OSBP2: variants seen among roughly 807,000 people sequenced by gnomAD.
OSBP2 encodes oxysterol-binding protein 2.
Under a neutral mutation model 96.0 loss-of-function variants are expected in OSBP2, and 66 were observed. The observed-to-expected ratio is 0.69, with a 90% CI of 0.56 to 0.84. OSBP2 has a LOEUF of 0.84. OSBP2 is among the 40% of genes least tolerant of loss of function. The probability of loss-of-function intolerance (pLI) is 0.00; values close to 1 mark genes in which losing one functional copy is unlikely to be tolerated. For synonymous variants in OSBP2, 525 were observed against 520.9 expected, an observed-to-expected ratio of 1.01 and a Z score of -0.11; for missense variants, 1,038 against 1,222.7, an observed-to-expected ratio of 0.85 and a Z score of 2.25.
Position 30,845,649 on chromosome 22 carries a change from C to T in OSBP2, c.854-24780C>T, listed in dbSNP as rs548777453. ...CTGTAATCCCAACACTTTGGGAGGC[C>T]GAGGTGAGCAGATCATGAGGTCAGG... On this transcript the variant is annotated intron_variant, in intron 2 of 13. Transcript: ENST00000332585. 5.9e-5 allele frequency among the ~76,000 whole-genome samples: 9 copies of T among 151,288 alleles called. No homozygotes were observed. The South Asian group carries it at 1.0e-3, about 18-fold the overall frequency.
intron 2 of OSBP2, among the ~76,000 whole-genome samples, chr22:30,783,302 CTTTTTTTTTTTTTTTTTT>C (rs35470453): frequency 2.9e-5 from 1 of 34,708 alleles, no homozygotes; most frequent in Non-Finnish European, 5.1e-5. Context: ...ATTCAGAGAG[CTTTTTTTTTTTTTTTTTT>C]TTTTTTTTTT....
chr22:30,839,117 C>T (rs1290846104), intron 2 of OSBP2, among the ~76,000 whole-genome samples: 140 of 143,924 alleles, frequency 9.7e-4, no homozygotes, highest in African/African-American at 3.4e-3. Context: ...TTTGTCCTTG[C>T]GATAGTTTAC....
chr22:30,740,249 T>C lies in OSBP2; in HGVS notation c.645-912T>C, dbSNP rs142287157. Reference sequence around the variant, plus strand: ...GAGATCACAGGATGTTGAAGCTGTCTTCTTGTGCTGAGTCAGTTCCTAGGT... The same window carrying C: ...GAGATCACAGGATGTTGAAGCTGTCCTCTTGTGCTGAGTCAGTTCCTAGGT... On this transcript the variant is annotated intron_variant, in intron 1 of 13. Coordinates refer to ENST00000332585, the MANE Select transcript of OSBP2 (RefSeq NM_030758.4). Among the ~76,000 whole-genome samples, 588 of 152,292 alleles carry C rather than the reference T, an allele frequency of 3.9e-3. 4 individuals carry two copies. Among genetic ancestry groups the C allele is most frequent in the African/African-American group, 0.014 (576 of 41,550 alleles).
intron 2 of OSBP2, among the ~76,000 whole-genome samples, chr22:30,814,794 A>G (rs1301152287): frequency 6.6e-6 from 1 of 152,174 alleles, no homozygotes; most frequent in Non-Finnish European, 1.5e-5. Context: ...ACTTCAACAT[A>G]TGGATTTTGG....
At chr22:30,745,735 G>C (rs1183230737) in intron 2 of OSBP2, among the ~76,000 whole-genome samples, 1 of 149,972 alleles carries the variant, frequency 6.7e-6, no homozygotes, top group African/African-American at 2.5e-5. Context: ...AACCAATAGA[G>C]AGAATGAATG....
chr22:30,726,313 A>AT (rs1394839729), intron 1 of OSBP2, among the ~76,000 whole-genome samples: 2 of 152,240 alleles, frequency 1.3e-5, no homozygotes, highest in East Asian at 3.8e-4. Context: ...ATAGAAAAGA[A>AT]TGAGTTCATG....
chr22:30,856,904 C>CA, intron 2 of OSBP2, among the ~76,000 whole-genome samples: 1 of 152,228 alleles, frequency 6.6e-6, no homozygotes, highest in East Asian at 1.9e-4. Context: ...GTGGCCCAAG[C>CA]AAGGGGCTGT....
At chr22:30,882,253 C>T (rs2039718553) in intron 3 of OSBP2, among the ~76,000 whole-genome samples, 1 of 152,182 alleles carries the variant, frequency 6.6e-6, no homozygotes, top group Non-Finnish European at 1.5e-5. Flanking sequence ...TAGTGAATAT[C>T]TCCCAGGAAC....
intron 2 of OSBP2, among the ~76,000 whole-genome samples, chr22:30,824,363 A>G (rs914769922): frequency 1.3e-5 from 2 of 152,176 alleles, no homozygotes; most frequent in Admixed American, 1.3e-4. Context: ...GCAGCAGTCA[A>G]GAGCAGCCAG....
At chr22:30,703,135 T>C (rs1164390405) in intron 1 of OSBP2, among the ~76,000 whole-genome samples, 1 of 152,020 alleles carries the variant, frequency 6.6e-6, no homozygotes, top group Admixed American at 6.6e-5. Flanking sequence ...GCTTTGAATG[T>C]GTTGCAATAG....
intron 2 of OSBP2, among the ~76,000 whole-genome samples, chr22:30,868,794 C>G (rs1373717910): frequency 1.3e-5 from 2 of 152,328 alleles, no homozygotes; most frequent in African/African-American, 4.8e-5. Context: ...CTGGCCTGAC[C>G]CTGCCATGGA....
Position 30,906,580 on chromosome 22 carries a change from C to G in OSBP2, c.*241C>G. 4.9e-6 allele frequency: 2 copies of G among 412,182 alleles called. No individual in the cohort carries two copies. The highest frequency in any genetic ancestry group is 4.2e-5 in the Admixed American group (1 of 23,798). 25.5% of individuals were successfully genotyped at this position (412,182 alleles called of 1,614,324 possible). ...GTCACCCGTGCCCCTTCATTATGGA[C>G]CTGGGCCCTACCGGAACCCCTGCCC... On this transcript the variant is annotated 3_prime_UTR_variant, in exon 14 of 14. Transcript: ENST00000332585.
chr22:30,880,196 C>T (rs1402068247), intron 3 of OSBP2, among the ~76,000 whole-genome samples: 2 of 152,226 alleles, frequency 1.3e-5, no homozygotes, highest in African/African-American at 4.8e-5. Flanking sequence ...CCTTCAGAAC[C>T]CCAGGCTGGT....
chr22:30,766,542 G>T (rs997050370), intron 2 of OSBP2, among the ~76,000 whole-genome samples: 12 of 152,198 alleles, frequency 7.9e-5, no homozygotes, highest in African/African-American at 2.9e-4. Flanking sequence ...CAGGCCTGGA[G>T]CCCGTGTAGT....
intron 3 of OSBP2, among the ~76,000 whole-genome samples, chr22:30,873,840 G>A (rs185454263): frequency 1.1e-4 from 16 of 152,298 alleles, no homozygotes; most frequent in East Asian, 3.9e-4. Flanking sequence ...CCTTCACAGC[G>A]CGCTGGGGCA....
At position 30,906,080 on chromosome 22, in the gene OSBP2, G is replaced by A. The variant is rs1217805919; in HGVS notation, c.2608+11G>A. 1 of 1,574,750 alleles carries A rather than the reference G, an allele frequency of 6.4e-7. No individual in the cohort carries two copies. Among genetic ancestry groups the A allele is most frequent in the Non-Finnish European group, 8.6e-7 (1 of 1,161,798 alleles). ...GCAGCTCGGAGGAAGGTGAGGCCGG[G>A]CGGGAAGGGCGCCCCGGAGGGGAGG... On this transcript the variant is annotated intron_variant, in intron 13 of 13. Coordinates refer to ENST00000332585, the MANE Select transcript of OSBP2 (RefSeq NM_030758.4).
At chr22:30,856,557 T>C (rs769626232) in intron 2 of OSBP2, among the ~76,000 whole-genome samples, 1 of 151,662 alleles carries the variant, frequency 6.6e-6, no homozygotes, top group Non-Finnish European at 1.5e-5. Context: ...TGACTAATTT[T>C]TGTATTTTTA....
intron 8 of OSBP2, among the ~76,000 whole-genome samples, chr22:30,892,538 C>T (rs1298998161): frequency 6.6e-6 from 1 of 152,040 alleles, no homozygotes; most frequent in African/African-American, 2.4e-5. Context: ...GCCTGGGCCC[C>T]ACAGCCAGAG....
intron 2 of OSBP2, among the ~76,000 whole-genome samples, chr22:30,817,495 G>C (rs1290307822): frequency 6.6e-6 from 1 of 152,202 alleles, no homozygotes; most frequent in African/African-American, 2.4e-5. Flanking sequence ...GCTGGCATCT[G>C]TGTGGTATCA....
Sources: gnomAD v4.1 joint callset for allele counts (sites outside exome capture counted in the v4.1 genomes callset) on GRCh38, gnomAD v4.1.1 for gene constraint, MANE v1.5 for transcripts, NCBI Gene and HGNC (gene_info 2026-07-23, HGNC 2026-07-21) for gene names.